ATP1B1: variants seen among roughly 807,000 people sequenced by gnomAD.
ATP1B1 encodes sodium/potassium-transporting ATPase subunit beta-1.
Under a neutral mutation model 39.6 loss-of-function variants are expected in ATP1B1, and 3 were observed. That is an observed-to-expected ratio of 0.08 (90% confidence interval 0.03 to 0.20). The LOEUF (loss-of-function observed/expected upper bound fraction) is 0.20, where lower values mean the gene tolerates loss of function less well. Ranked by LOEUF, ATP1B1 falls within the 10% of genes least tolerant of loss-of-function variation. The pLI, the probability that ATP1B1 is intolerant of heterozygous loss-of-function variation, is 1.00. For missense variants in ATP1B1, 216 were observed against 371.1 expected (o/e 0.58, Z 3.43); for synonymous variants, 139 against 135.0 (o/e 1.03, Z -0.20).
intron 2 of ATP1B1, among the ~76,000 whole-genome samples, chr1:169,116,668 T>C (rs961011756): frequency 4.5e-4 from 69 of 152,048 alleles, no homozygotes; most frequent in African/African-American, 1.5e-3. Context: ...CTGGCCAACA[T>C]GGTGAAACCC....
chr1:169,123,235 G>A (rs935262763), intron 2 of ATP1B1, among the ~76,000 whole-genome samples: 3 of 152,158 alleles, frequency 2.0e-5, no homozygotes, highest in Admixed American at 6.5e-5. Flanking sequence ...TAGAGAAGCA[G>A]TTGTAAGCCA....
At chr1:169,121,823 G>A (rs998476013) in intron 2 of ATP1B1, among the ~76,000 whole-genome samples, 2 of 152,100 alleles carry the variant, frequency 1.3e-5, no homozygotes, top group Non-Finnish European at 2.9e-5. Flanking sequence ...TTTATATTTT[G>A]GCTTTTGCTG....
rs932646675 is a variant in ATP1B1, at chr1:169,106,750, C to G, written c.-80C>G. 2 of 1,184,378 alleles carry G rather than the reference C, an allele frequency of 1.7e-6. No individual in the cohort carries two copies. The highest frequency in any genetic ancestry group is 1.2e-6 in the Non-Finnish European group (1 of 865,396). 73.4% of individuals were successfully genotyped at this position (1,184,378 alleles called of 1,614,324 possible). A position where few individuals can be genotyped will look rare whatever the true frequency, so the allele number is the denominator to read the frequency against. ...CTGCAGAGAGCCAGGCCGGAGAAGC[C>G]GAGCGGCGCAGAGGACGCCAGGGCG... On this transcript the variant is annotated 5_prime_UTR_variant, in exon 1 of 6. Transcript: ENST00000367815.
rs902788197 is a variant in ATP1B1 at position 169,127,248 on chromosome 1, G to A, written c.407G>A (p.Arg136Gln). The A allele has an allele frequency of 1.9e-6, 3 of 1,586,676 alleles. No individual in the cohort carries two copies. Among genetic ancestry groups the A allele is most frequent in the African/African-American group, 2.7e-5 (2 of 73,030 alleles). The change falls in exon 4 of 6, where the codon CGA becomes CAA. Residue 136 changes from arginine (R) to glutamine (Q), a missense_variant. Physicochemically the swap from Arg to Gln is conservative, Grantham distance 43. Coordinates refer to ENST00000367815, the MANE Select transcript of ATP1B1 (RefSeq NM_001677.4). ...GATGTGCCCAGTGAACCGAAAGAAC[G>A]AGGAGACTTTAATCATGAACGAGGA... is the stretch of plus-strand genomic sequence containing the variant. ...CGDVPSEPKE[R>Q]GDFNHERGER... is the part of the protein sequence containing the mutation.
chr1:169,111,561 G>A (rs1238562309), intron 2 of ATP1B1, 63 bp downstream of exon 2: 2 of 1,560,626 alleles, frequency 1.3e-6, no homozygotes, highest in Admixed American at 1.9e-5. Flanking sequence ...TTTTTCTATT[G>A]AGAAAAAATT....
chr1:169,131,448 G>A lies in ATP1B1; in HGVS notation c.805G>A (p.Asp269Asn). ...CGTACAGTTCACCAATCTTACCATG[G>A]ACACTGAAATTCGCATAGAGTGTAA... ...LAVQFTNLTM[D>N]TEIRIECKAY... The change falls in exon 6 of 6, where the codon GAC becomes AAC. Residue 269 changes from aspartate to asparagine, a missense_variant. Transcript: ENST00000367815. This position sits in a 1 kb window ranked among gnomAD's most constrained non-coding sequence, Gnocchi z 4.4. The A allele has an allele frequency of 6.2e-7, 1 of 1,614,146 alleles. No homozygotes were observed. The highest frequency in any genetic ancestry group is 8.5e-7 in the Non-Finnish European group (1 of 1,180,028).
At chr1:169,107,730 C>G (rs1657631440) in intron 1 of ATP1B1, among the ~76,000 whole-genome samples, 1 of 150,040 alleles carries the variant, frequency 6.7e-6, no homozygotes, top group African/African-American at 2.5e-5. Context: ...AATTAGATTT[C>G]TTGTTTTCAG....
At chr1:169,124,737 C>G in intron 2 of ATP1B1, 147 bp from the exon 3 acceptor site, 1 of 820,042 alleles carries the variant, frequency 1.2e-6, no homozygotes, top group Non-Finnish European at 1.9e-6. Flanking sequence ...AATCTAAATG[C>G]CAGAGGAGTG....
intron 2 of ATP1B1, among the ~76,000 whole-genome samples, chr1:169,117,531 T>TA (rs1288336725): frequency 4.6e-5 from 7 of 151,990 alleles, no homozygotes; most frequent in Non-Finnish European, 7.4e-5. Flanking sequence ...AGAGACCTGA[T>TA]AAGTAGGAAG....
intron 2 of ATP1B1, among the ~76,000 whole-genome samples, chr1:169,114,131 G>GAGGACCCTCCTTGGCATTTGTCAATGCCA (rs1657787074): frequency 6.8e-6 from 1 of 147,700 alleles, no homozygotes; most frequent in Admixed American, 6.7e-5. Flanking sequence ...TGTGTTGCCT[G>GAGGACCCTCCTTGGCATTTGTCAATGCCA]AGGACCCTCC....
At chr1:169,119,947 TGTGA>T (rs1476302704) in intron 2 of ATP1B1, among the ~76,000 whole-genome samples, 2 of 151,952 alleles carry the variant, frequency 1.3e-5, no homozygotes, top group African/African-American at 2.4e-5. Flanking sequence ...ATCTTTCTCT[TGTGA>T]GTATCTAGTT....
intron 2 of ATP1B1, among the ~76,000 whole-genome samples, chr1:169,115,816 T>TA (rs1185127167): frequency 6.6e-6 from 1 of 152,276 alleles, no homozygotes; most frequent in Non-Finnish European, 1.5e-5. Flanking sequence ...AACATGTTTT[T>TA]AAAAATTTTA....
intron 4 of ATP1B1, among the ~76,000 whole-genome samples, chr1:169,128,741 C>A (rs1186633236): frequency 6.6e-6 from 1 of 152,208 alleles, no homozygotes; most frequent in African/African-American, 2.4e-5. Context: ...TTCTGAGTAC[C>A]TTGCTTTTGA....
At chr1:169,127,727 G>T (rs924275439) in intron 4 of ATP1B1, among the ~76,000 whole-genome samples, 9 of 151,176 alleles carry the variant, frequency 6.0e-5, no homozygotes, top group African/African-American at 2.2e-4. Flanking sequence ...AAGTAAAAAT[G>T]GAAAAATATA....
At chr1:169,108,432 A>C (rs1657652053) in intron 1 of ATP1B1, among the ~76,000 whole-genome samples, 1 of 152,042 alleles carries the variant, frequency 6.6e-6, no homozygotes. Context: ...GAGGCCTGGA[A>C]GGTGCACTGC....
Position 169,131,642 on chromosome 1 carries a change from C to T in ATP1B1, c.*87C>T, listed in dbSNP as rs1450797627. 36 of 1,433,910 alleles carry T rather than the reference C, an allele frequency of 2.5e-5. No individual in the cohort carries two copies. The highest frequency in any genetic ancestry group is 3.3e-5 in the Non-Finnish European group (35 of 1,060,148). 88.8% of individuals were successfully genotyped at this position (1,433,910 alleles called of 1,614,324 possible). ...AACCTACTAGTCTTGAACAAACTGT[C>T]ATACGTATGGGACCTACACTTAATC... On this transcript the variant is annotated 3_prime_UTR_variant, in exon 6 of 6. Transcript: ENST00000367815. The surrounding 1 kb of genome is among the most constrained non-coding windows in gnomAD (Gnocchi z 4.4).
At chr1:169,128,870 C>CT (rs1307069368) in intron 4 of ATP1B1, among the ~76,000 whole-genome samples, 19 of 152,192 alleles carry the variant, frequency 1.2e-4, no homozygotes, top group Non-Finnish European at 2.4e-4. Flanking sequence ...TTCAGCTACT[C>CT]TTTCTTTTCA....
chr1:169,112,846 G>T (rs1460147352), intron 2 of ATP1B1, among the ~76,000 whole-genome samples: 1 of 152,158 alleles, frequency 6.6e-6, no homozygotes, highest in Non-Finnish European at 1.5e-5. Flanking sequence ...CACAAGAGGT[G>T]GGTCTGTGGA....
chr1:169,118,306 G>C (rs1384064652), intron 2 of ATP1B1, among the ~76,000 whole-genome samples: 1 of 152,156 alleles, frequency 6.6e-6, no homozygotes, highest in Non-Finnish European at 1.5e-5. Flanking sequence ...ATCCAGATTG[G>C]CTGTAGAGAC....
Sources: allele counts gnomAD v4.1 joint callset (sites outside exome capture counted in the v4.1 genomes callset), GRCh38; gene constraint gnomAD v4.1.1; non-coding constraint Gnocchi (gnomAD v3.1); transcripts MANE v1.5; gene names NCBI Gene and HGNC (gene_info 2026-07-23, HGNC 2026-07-21).